The following ANKRD31 variants were observed in gnomAD, a reference collection of about 807,000 sequenced individuals.
ANKRD31 encodes the protein ankyrin repeat domain-containing protein 31.
Under a neutral mutation model 186.0 loss-of-function variants are expected in ANKRD31, and 147 were observed. The ratio of observed to expected loss-of-function variants is 0.79; its 90% CI spans 0.69 to 0.91. The LOEUF is 0.91. Among genes scored for constraint, ANKRD31 ranks in the 40% least tolerant of loss-of-function variants. The pLI, the probability that ANKRD31 is intolerant of heterozygous loss-of-function variation, is 0.00. For missense variants in ANKRD31, 1,986 were observed against 2,148.8 expected (o/e 0.92, Z 1.50); for synonymous variants, 673 against 736.4 (o/e 0.91, Z 1.39).
intron 19 of ANKRD31, among the ~76,000 whole-genome samples, chr5:75,113,129 C>T (rs997354154): frequency 6.6e-6 from 1 of 152,148 alleles, no homozygotes. Context: ...CCTGATCCTT[C>T]TCTTTCCCTA....
At chr5:75,141,264 C>T (rs562036802) in intron 15 of ANKRD31, among the ~76,000 whole-genome samples, 21 of 152,206 alleles carry the variant, frequency 1.4e-4, no homozygotes, top group Admixed American at 2.0e-4. Context: ...CTTCCACTGG[C>T]ACCCAGACAA....
At chr5:75,111,984 C>G (rs1191828784) in intron 20 of ANKRD31, among the ~76,000 whole-genome samples, 1 of 152,174 alleles carries the variant, frequency 6.6e-6, no homozygotes, top group African/African-American at 2.4e-5. Context: ...GTAACATAAT[C>G]TCATCTCTTG....
chr5:75,097,484 C>A (rs1746424225), intron 22 of ANKRD31, among the ~76,000 whole-genome samples: 1 of 152,172 alleles, frequency 6.6e-6, no homozygotes, highest in Non-Finnish European at 1.5e-5. Flanking sequence ...TGTTCATATC[C>A]TTCACCCACT....
intron 17 of ANKRD31, among the ~76,000 whole-genome samples, chr5:75,130,281 G>A (rs1180266869): frequency 6.6e-6 from 1 of 152,168 alleles, no homozygotes; most frequent in African/African-American, 2.4e-5. Flanking sequence ...AGCTCATTAA[G>A]GTAGTGCAGA....
At chr5:75,131,844 C>T (rs551210931) in intron 17 of ANKRD31, among the ~76,000 whole-genome samples, 251 of 152,302 alleles carry the variant, frequency 1.6e-3, no homozygotes, top group African/African-American at 4.9e-3. Context: ...CAACATTTGC[C>T]GTTCTCCAAT....
chr5:75,088,812 T>C (rs577488182), intron 23 of ANKRD31, among the ~76,000 whole-genome samples: 3 of 152,204 alleles, frequency 2.0e-5, no homozygotes, highest in African/African-American at 7.2e-5. Flanking sequence ...CTGATAAAGT[T>C]GTTGCGTAAA....
At position 75,195,795 on chromosome 5, in the gene ANKRD31, A is replaced by G. The variant is rs546914171; in HGVS notation, c.853T>C (p.Leu285=). The G allele has an allele frequency of 1.1e-4, 163 of 1,537,254 alleles. No homozygotes were observed. The highest frequency in any genetic ancestry group is 6.8e-5 in the African/African-American group (5 of 73,022). Residue 285 remains leucine, a synonymous_variant, in exon 7 of 26, where the codon TTG becomes CTG. Transcript: ENST00000506364. ...DLLEDAKDDA[L]PAELLEALNT... ...AGGGCTTCCAATAACTCAGCTGGCAATGCATCATCTTTTGCATCTTCTAGT... is the reference window on the plus strand; with the variant it reads ...AGGGCTTCCAATAACTCAGCTGGCAGTGCATCATCTTTTGCATCTTCTAGT...
chr5:75,151,771 C>G (rs1211178144), intron 12 of ANKRD31, among the ~76,000 whole-genome samples: 1 of 151,976 alleles, frequency 6.6e-6, no homozygotes, highest in Non-Finnish European at 1.5e-5. Context: ...AATCATTAAC[C>G]AAGATAGATA....
chr5:75,171,310 GA>G (rs1338410665), intron 10 of ANKRD31, among the ~76,000 whole-genome samples: 1 of 151,866 alleles, frequency 6.6e-6, no homozygotes, highest in African/African-American at 2.4e-5. Context: ...ATCAATAACA[GA>G]AAGGTATCTA....
At chr5:75,115,492 T>C (rs1580354360) in intron 19 of ANKRD31, among the ~76,000 whole-genome samples, 1 of 150,030 alleles carries the variant, frequency 6.7e-6, no homozygotes. Flanking sequence ...TGGGAGAAAA[T>C]TTTTGCAACC....
chr5:75,234,565 C>A (rs187813597), intron 1 of ANKRD31, among the ~76,000 whole-genome samples: 5 of 152,340 alleles, frequency 3.3e-5, no homozygotes, highest in Admixed American at 3.3e-4. Flanking sequence ...AGTAAAATAT[C>A]TCTCTGTCCC....
chr5:75,122,301 A>G (rs1344517912), intron 17 of ANKRD31, among the ~76,000 whole-genome samples: 2 of 152,034 alleles, frequency 1.3e-5, no homozygotes, highest in African/African-American at 4.8e-5. Flanking sequence ...CAACAAAAAA[A>G]AAAGCCTAGG....
chr5:75,126,789 C>T (rs1189342506), intron 17 of ANKRD31, among the ~76,000 whole-genome samples: 1 of 152,060 alleles, frequency 6.6e-6, no homozygotes, highest in African/African-American at 2.4e-5. Flanking sequence ...GCTCAGCAAT[C>T]CCCAAATAGA....
intron 25 of ANKRD31, among the ~76,000 whole-genome samples, chr5:75,073,211 C>G (rs1035107611): frequency 1.3e-5 from 2 of 151,824 alleles, no homozygotes; most frequent in South Asian, 4.2e-4. Flanking sequence ...ATGGGAGGAT[C>G]ACTTGAGCCC....
chr5:75,207,481 G>A (rs146821852), intron 4 of ANKRD31, among the ~76,000 whole-genome samples: 579 of 152,038 alleles, frequency 3.8e-3, no homozygotes, highest in African/African-American at 0.013. Flanking sequence ...ATTTATGTTA[G>A]GTAAGACTAC....
In ANKRD31 at chr5:75,148,672, T is replaced by C; in HGVS notation, c.1853-44A>G. 3 of 1,425,848 alleles carry C rather than the reference T, an allele frequency of 2.1e-6. No homozygotes were observed. The East Asian group carries it at 7.6e-5, about 36-fold the overall frequency. The allele number at this position is 1,425,848 out of a possible 1,614,324, so 88.3% of individuals were successfully genotyped here. A position where few individuals can be genotyped will look rare whatever the true frequency, so the allele number is the denominator to read the frequency against. On this transcript the variant is annotated intron_variant, in intron 12 of 25. Transcript: ENST00000506364. Reference sequence around the variant, plus strand: ...AATCAATGAAAACAGCTTCTAGTGTTTAGACTTTAGACTTCTAAAACCCAC... The same window carrying C: ...AATCAATGAAAACAGCTTCTAGTGTCTAGACTTTAGACTTCTAAAACCCAC...
At chr5:75,093,504 A>G (rs1580309260) in intron 22 of ANKRD31, among the ~76,000 whole-genome samples, 1 of 152,148 alleles carries the variant, frequency 6.6e-6, no homozygotes, top group Non-Finnish European at 1.5e-5. Context: ...CAACAACAAA[A>G]AAAACTTACC....
intron 25 of ANKRD31, among the ~76,000 whole-genome samples, chr5:75,072,230 T>C (rs114844789): frequency 3.8e-3 from 578 of 152,336 alleles, no homozygotes; most frequent in African/African-American, 0.013. Context: ...AAAAACTATA[T>C]TTTTCAGACT....
At chr5:75,072,677 G>T (rs1330559678) in intron 25 of ANKRD31, among the ~76,000 whole-genome samples, 1 of 152,172 alleles carries the variant, frequency 6.6e-6, no homozygotes, top group East Asian at 1.9e-4. Context: ...TTTCTGCAAA[G>T]ACCACTAAGT....
Sources: allele counts gnomAD v4.1 joint callset (sites outside exome capture counted in the v4.1 genomes callset), GRCh38; gene constraint gnomAD v4.1.1; transcripts MANE v1.5; gene names NCBI Gene and HGNC (gene_info 2026-07-23, HGNC 2026-07-21).